Variants in TARS3 observed in about 807,000 individuals in gnomAD.
The protein encoded by TARS3 is threonine--tRNA ligase 2, cytoplasmic.
In TARS3, 94 loss-of-function variants were observed where a neutral mutation model predicts 103.5. That is an observed-to-expected ratio of 0.91 (90% confidence interval 0.77 to 1.08). The LOEUF (loss-of-function observed/expected upper bound fraction) is 1.08, where lower values mean the gene tolerates loss of function less well. Among genes scored for constraint, TARS3 ranks in the 50% least tolerant of loss-of-function variants. The probability of loss-of-function intolerance (pLI) is 0.00; values close to 1 mark genes in which losing one functional copy is unlikely to be tolerated. For synonymous variants in TARS3, 416 were observed against 355.4 expected, an observed-to-expected ratio of 1.17 and a Z score of -1.92; for missense variants, 952 against 995.2, an observed-to-expected ratio of 0.96 and a Z score of 0.58.
At chr15:101,708,257 GAAAAAAAAAA>G (rs60601502) in intron 6 of TARS3, among the ~76,000 whole-genome samples, 3 of 48,602 alleles carry the variant, frequency 6.2e-5, no homozygotes, top group African/African-American at 2.7e-4. Flanking sequence ...GACTCTGTCT[GAAAAAAAAAA>G]AAAAAAAAAA....
At chr15:101,689,170 C>G (rs1898600513) in intron 10 of TARS3, among the ~76,000 whole-genome samples, 1 of 152,140 alleles carries the variant, frequency 6.6e-6, no homozygotes, top group Non-Finnish European at 1.5e-5. Flanking sequence ...ACTTACTACC[C>G]TTGATCGCAA....
chr15:101,663,635 T>A (rs1897467823), intron 15 of TARS3, among the ~76,000 whole-genome samples: 1 of 152,262 alleles, frequency 6.6e-6, no homozygotes, highest in Non-Finnish European at 1.5e-5. Context: ...CCTAGCAGAT[T>A]ATTGCTAACA....
At chr15:101,676,351 A>T (rs910631113) in intron 12 of TARS3, among the ~76,000 whole-genome samples, 5 of 152,200 alleles carry the variant, frequency 3.3e-5, no homozygotes, top group Admixed American at 3.3e-4. Context: ...AACTGGCAAG[A>T]TTAGAAGAGA....
At chr15:101,722,654 A>AAAG (rs1900541132) in intron 2 of TARS3, among the ~76,000 whole-genome samples, 1 of 149,046 alleles carries the variant, frequency 6.7e-6, no homozygotes, top group Admixed American at 6.7e-5. Flanking sequence ...AAAAAAAAAA[A>AAAG]AAAAAAAAAA....
intron 10 of TARS3, among the ~76,000 whole-genome samples, chr15:101,693,580 T>C (rs986320861): frequency 1.3e-5 from 2 of 152,208 alleles, no homozygotes; most frequent in African/African-American, 4.8e-5. Context: ...TGAAAACCTA[T>C]GTTCATACAA....
intron 10 of TARS3, among the ~76,000 whole-genome samples, chr15:101,696,455 C>T (rs1168766255): frequency 1.3e-5 from 2 of 152,002 alleles, no homozygotes; most frequent in African/African-American, 4.8e-5. Context: ...GGACCCAATG[C>T]GAGAACCACC....
rs1263035597 is a variant in TARS3 at position 101,684,160 on chromosome 15, T to C, written c.1565A>G (p.Asn522Ser). The change falls in exon 12 of 19, where the codon AAT becomes AGT. Residue 522 changes from asparagine (N) to serine (S), a missense_variant. Coordinates refer to ENST00000335968, the MANE Select transcript of TARS3 (RefSeq NM_152334.3). ...GCCGCTGAGAGTCCCCGACAGTTCA[T>C]TTCTATGCAGAACTCCAAAATCAGC... is the stretch of plus-strand genomic sequence containing the variant. ...RFADFGVLHR[N>S]ELSGTLSGLT... The C allele has an allele frequency of 2.5e-6, 4 of 1,614,012 alleles. No homozygotes were observed. The highest frequency in any genetic ancestry group is 1.3e-5 in the African/African-American group (1 of 74,932).
At chr15:101,674,808 A>G in intron 13 of TARS3, among the ~76,000 whole-genome samples, 1 of 152,184 alleles carries the variant, frequency 6.6e-6, no homozygotes, top group Admixed American at 6.5e-5. Flanking sequence ...CCGTCTCAAA[A>G]AAAAAAAGAA....
chr15:101,713,031 C>T (rs963954444), intron 4 of TARS3, among the ~76,000 whole-genome samples: 3 of 152,230 alleles, frequency 2.0e-5, no homozygotes, highest in Admixed American at 1.3e-4. Context: ...GCACTGTCCA[C>T]ACCTACACAT....
intron 12 of TARS3, among the ~76,000 whole-genome samples, chr15:101,681,130 T>TG (rs1447798916): frequency 6.6e-6 from 1 of 152,244 alleles, no homozygotes; most frequent in African/African-American, 2.4e-5. Context: ...ATTTCTAGAC[T>TG]CTGTTTTGCT....
At chr15:101,679,696 A>G (rs902008900) in intron 12 of TARS3, among the ~76,000 whole-genome samples, 1 of 152,114 alleles carries the variant, frequency 6.6e-6, no homozygotes, top group African/African-American at 2.4e-5. Context: ...GTGATTTTCA[A>G]TTTCTTAAAC....
At chr15:101,673,011 G>C (rs549947168) in intron 13 of TARS3, among the ~76,000 whole-genome samples, 1 of 152,208 alleles carries the variant, frequency 6.6e-6, no homozygotes. Flanking sequence ...CACAGGACAG[G>C]AGGGCACAGT....
At chr15:101,664,124 T>C (rs1897486903) in intron 15 of TARS3, 1 of 152,262 alleles carries the variant, frequency 6.6e-6, no homozygotes, top group Non-Finnish European at 1.5e-5. Flanking sequence ...TACCCCTACT[T>C]TGTTCATCTC....
rs145819483 is a variant in TARS3 at position 101,717,678 on chromosome 15, C to T, written c.567-2715G>A. 3.9e-3 allele frequency among the ~76,000 whole-genome samples: 587 copies of T among 152,290 alleles called. 1 individual carries two copies. The highest frequency in any genetic ancestry group is 0.013 in the African/African-American group (552 of 41,564). On this transcript the variant is annotated intron_variant, in intron 3 of 18. Coordinates refer to ENST00000335968, the MANE Select transcript of TARS3 (RefSeq NM_152334.3). The stretch of plus-strand genomic sequence containing the variant: ...TATTCTTTCTGGACCATGTAGACAA[C>T]GGCAACATTGTACCAGACAAATCAG...
intron 4 of TARS3, among the ~76,000 whole-genome samples, chr15:101,713,109 C>G (rs1899945379): frequency 1.3e-5 from 2 of 152,202 alleles, no homozygotes; most frequent in Admixed American, 6.5e-5. Flanking sequence ...AGCCCCCACA[C>G]AGGTACAGCC....
At chr15:101,665,625 CATGTA>C (rs1204013173) in intron 15 of TARS3, among the ~76,000 whole-genome samples, 4 of 152,000 alleles carry the variant, frequency 2.6e-5, no homozygotes, top group Admixed American at 2.0e-4. Context: ...GGAAAGCTCT[CATGTA>C]ATGTTTATTT....
intron 15 of TARS3, among the ~76,000 whole-genome samples, chr15:101,669,471 T>C (rs1014517134): frequency 9.9e-5 from 15 of 152,210 alleles, no homozygotes; most frequent in African/African-American, 3.6e-4. Context: ...TTATAATGTC[T>C]ACAGTAGTAT....
At position 101,713,518 on chromosome 15, in the gene TARS3, C is replaced by T. The variant is rs117658663; in HGVS notation, c.690+1322G>A. Among the ~76,000 whole-genome samples the T allele has an allele frequency of 6.9e-3, 696 of 100,944 alleles. 39 individuals carry two copies. In the East Asian group the frequency reaches 0.18, roughly 26 times the overall value. The allele number at this position is 100,944 out of a possible 152,430, so 66.2% of individuals were successfully genotyped here. On this transcript the variant is annotated intron_variant, in intron 4 of 18. Coordinates refer to ENST00000335968, the MANE Select transcript of TARS3 (RefSeq NM_152334.3). ...GGGTGGTTCTATAACAAGGTGAGTG[C>T]GGATTCTCAGGCAGTGGCAATGGAC...
At chr15:101,711,315 A>G (rs1308008475) in intron 5 of TARS3, among the ~76,000 whole-genome samples, 1 of 152,228 alleles carries the variant, frequency 6.6e-6, no homozygotes, top group African/African-American at 2.4e-5. Flanking sequence ...AATGCCTTAG[A>G]CCATTTCTAA....
Sources: allele counts gnomAD v4.1 joint callset (sites outside exome capture counted in the v4.1 genomes callset), GRCh38; gene constraint gnomAD v4.1.1; transcripts MANE v1.5; gene names NCBI Gene and HGNC (gene_info 2026-07-23, HGNC 2026-07-21).